Variants in TTC29 observed in about 807,000 individuals in gnomAD.
TTC29 encodes tetratricopeptide repeat domain 29.
TTC29 carries 49 observed loss-of-function variants against 58.1 expected under a neutral mutation model. The ratio of observed to expected loss-of-function variants is 0.84; its 90% CI spans 0.67 to 1.07. The LOEUF is 1.07. TTC29 is among the 50% of genes least tolerant of loss of function. TTC29 has a pLI of 0.00. For missense variants in TTC29, 582 were observed against 555.6 expected, an observed-to-expected ratio of 1.05 and a Z score of -0.48; for synonymous variants, 209 against 196.8, an observed-to-expected ratio of 1.06 and a Z score of -0.52.
At chr4:146,870,560 T>C (rs989947542) in intron 7 of TTC29, among the ~76,000 whole-genome samples, 14 of 151,326 alleles carry the variant, frequency 9.3e-5, no homozygotes, top group African/African-American at 3.4e-4. Context: ...AATGATCCTT[T>C]GAAAAAGTCA....
chr4:146,746,472 T>C (rs1745555073), intron 11 of TTC29, among the ~76,000 whole-genome samples: 2 of 152,256 alleles, frequency 1.3e-5, no homozygotes, highest in Non-Finnish European at 2.9e-5. Flanking sequence ...GATAGTTTGA[T>C]GGTGAACCCT....
rs1733211380 is a variant in TTC29, at chr4:146,902,395, A to G, written c.586+1149T>C. 2.0e-5 allele frequency among the ~76,000 whole-genome samples: 3 copies of G among 152,172 alleles called. No individual in the cohort carries two copies. In the South Asian group the frequency reaches 6.2e-4, roughly 31 times the overall value. Reference sequence around the variant, plus strand: ...TAATCTATACCACAAACCCCATGACACAAGTTTACCTATGTAACAAACCTG... The same window carrying G: ...TAATCTATACCACAAACCCCATGACGCAAGTTTACCTATGTAACAAACCTG... On this transcript the variant is annotated intron_variant, in intron 6 of 12. Coordinates refer to ENST00000325106, the MANE Select transcript of TTC29 (RefSeq NM_031956.4).
intron 6 of TTC29, among the ~76,000 whole-genome samples, chr4:146,901,525 C>A (rs1733148363): frequency 1.3e-5 from 2 of 152,178 alleles, no homozygotes. Context: ...TATCCTAAGC[C>A]TCCCTGTCTA....
chr4:146,831,810 A>T (rs1430740469), intron 9 of TTC29: 1 of 415,152 alleles, frequency 2.4e-6, no homozygotes, highest in African/African-American at 2.0e-5. Context: ...AGTTTCAAAA[A>T]TAATTATAAA....
At chr4:146,861,210 G>A (rs1466994963) in intron 8 of TTC29, among the ~76,000 whole-genome samples, 4 of 152,130 alleles carry the variant, frequency 2.6e-5, no homozygotes, top group African/African-American at 9.7e-5. Context: ...ATAACTTTAC[G>A]TTGGTATGTG....
intron 11 of TTC29, among the ~76,000 whole-genome samples, chr4:146,730,395 G>A (rs772267571): frequency 6.6e-6 from 1 of 152,130 alleles, no homozygotes; most frequent in Non-Finnish European, 1.5e-5. Context: ...ATGTACACAA[G>A]TGAGGAATTC....
chr4:146,717,334 A>G (rs762899506), intron 11 of TTC29, among the ~76,000 whole-genome samples: 13 of 152,164 alleles, frequency 8.5e-5, no homozygotes, highest in Admixed American at 2.0e-4. Flanking sequence ...GCTGAAGTAC[A>G]GCGGCACAAT....
At chr4:146,830,878 G>A (rs79717030) in intron 9 of TTC29, among the ~76,000 whole-genome samples, 2,439 of 152,264 alleles carry the variant, frequency 0.016, 73 homozygotes, top group African/African-American at 0.054. Flanking sequence ...TTACATCAAA[G>A]CATTTATACT....
intron 11 of TTC29, among the ~76,000 whole-genome samples, chr4:146,720,731 A>T (rs943746103): frequency 6.6e-6 from 1 of 152,102 alleles, no homozygotes; most frequent in Non-Finnish European, 1.5e-5. Context: ...TTGACTAAGC[A>T]TATTTTTTAT....
intron 11 of TTC29, among the ~76,000 whole-genome samples, chr4:146,794,843 T>C (rs1749725749): frequency 6.6e-6 from 1 of 152,076 alleles, no homozygotes; most frequent in Admixed American, 6.6e-5. Flanking sequence ...GATGTGCAGG[T>C]GTGTTACATA....
intron 11 of TTC29, among the ~76,000 whole-genome samples, chr4:146,768,329 A>C (rs1747479307): frequency 6.6e-6 from 1 of 152,006 alleles, no homozygotes; most frequent in South Asian, 2.1e-4. Flanking sequence ...CCCATCAGCT[A>C]AATTAACTCC....
At chr4:146,711,622 G>T (rs1323825211) in intron 11 of TTC29, among the ~76,000 whole-genome samples, 2 of 152,104 alleles carry the variant, frequency 1.3e-5, no homozygotes, top group Non-Finnish European at 2.9e-5. Context: ...TATAAACTAT[G>T]CTCCTATCTT....
intron 9 of TTC29, among the ~76,000 whole-genome samples, chr4:146,822,328 C>A (rs1164174679): frequency 2.0e-5 from 3 of 152,098 alleles, no homozygotes; most frequent in African/African-American, 7.2e-5. Context: ...TGAGTGAGAA[C>A]ATGTGGTGTT....
At chr4:146,883,275 A>C (rs938162051) in intron 6 of TTC29, among the ~76,000 whole-genome samples, 1 of 152,088 alleles carries the variant, frequency 6.6e-6, no homozygotes, top group Non-Finnish European at 1.5e-5. Context: ...AAGTATGGGT[A>C]ACTATGCCAA....
chr4:146,737,308 C>T (rs1744779682), intron 11 of TTC29, among the ~76,000 whole-genome samples: 1 of 152,098 alleles, frequency 6.6e-6, no homozygotes, highest in South Asian at 2.1e-4. Flanking sequence ...AACTCCCTTC[C>T]AGGCTTGGAA....
chr4:146,846,685 A>G (rs544648047), intron 8 of TTC29, among the ~76,000 whole-genome samples: 1 of 152,252 alleles, frequency 6.6e-6, no homozygotes, highest in South Asian at 2.1e-4. Context: ...AGGTTTTAAT[A>G]AACACTAATC....
chr4:146,750,070 C>A (rs188505618), intron 11 of TTC29, among the ~76,000 whole-genome samples: 1 of 152,000 alleles, frequency 6.6e-6, no homozygotes, highest in Non-Finnish European at 1.5e-5. Flanking sequence ...TACAGTGGTG[C>A]GATCTCGGCT....
chr4:146,854,394 G>A (rs970982157), intron 8 of TTC29, among the ~76,000 whole-genome samples: 1 of 152,076 alleles, frequency 6.6e-6, no homozygotes, highest in Non-Finnish European at 1.5e-5. Flanking sequence ...GACACATTTG[G>A]GTTGCAATCA....
intron 4 of TTC29, among the ~76,000 whole-genome samples, chr4:146,912,652 AT>A (rs1733972033): frequency 6.6e-6 from 1 of 152,162 alleles, no homozygotes; most frequent in Admixed American, 6.6e-5. Flanking sequence ...TTATAAAAAA[AT>A]AAAGACTTTC....
Sources: gnomAD v4.1 joint callset for allele counts (sites outside exome capture counted in the v4.1 genomes callset) on GRCh38, gnomAD v4.1.1 for gene constraint, MANE v1.5 for transcripts, NCBI Gene and HGNC (gene_info 2026-07-23, HGNC 2026-07-21) for gene names.